The following RPS7 variants were observed in gnomAD, a reference collection of about 807,000 sequenced individuals.
The protein encoded by RPS7 is ribosomal protein S7.
Under a neutral mutation model 22.1 loss-of-function variants are expected in RPS7, and 1 was observed. The observed-to-expected ratio is 0.05, with a 90% confidence interval of 0.02 to 0.21. The LOEUF (loss-of-function observed/expected upper bound fraction) is 0.21. RPS7 is among the 10% of genes least tolerant of loss of function. The probability of loss-of-function intolerance (pLI) is 1.00; values close to 1 mark genes in which losing one functional copy is unlikely to be tolerated. For missense variants in RPS7, 137 were observed against 246.4 expected (o/e 0.56, Z 2.97); for synonymous variants, 80 against 92.0 (o/e 0.87, Z 0.74).
intron 4 of RPS7, 126 bp downstream of exon 4, chr2:3,576,756 T>C: frequency 2.5e-6 from 3 of 1,211,224 alleles, no homozygotes; most frequent in Non-Finnish European, 3.7e-6. Context: ...GGTAGAAAGA[T>C]AAAGTACAGG....
chr2:3,578,928 T>A (rs1037186240), intron 5 of RPS7: 1 of 152,250 alleles, frequency 6.6e-6, no homozygotes, highest in Non-Finnish European at 1.5e-5. Context: ...ACACTAAGCC[T>A]AGCTGGTAGG....
chr2:3,580,696 T>G, intron 6 of RPS7, 109 bp from the exon 7 acceptor site: 2 of 738,814 alleles, frequency 2.7e-6, no homozygotes, highest in South Asian at 2.9e-5. Flanking sequence ...TTGTGTGTAC[T>G]TAGTTGCTGA....
intron 1 of RPS7, 38 bp downstream of exon 1, chr2:3,575,388 C>G: frequency 1.7e-6 from 1 of 571,864 alleles, no homozygotes; most frequent in Non-Finnish European, 3.1e-6. Flanking sequence ...AACTTTTCTT[C>G]TTGGGTTGAG....
chr2:3,575,965 G>C lies in RPS7; in HGVS notation c.147+77G>C, dbSNP rs59077127. 10,190 of 1,070,538 alleles carry C rather than the reference G, an allele frequency of 9.5e-3. 642 individuals are homozygous for C. The African/African-American group carries it at 0.14, about 15-fold the overall frequency. 66.3% of individuals were successfully genotyped at this position (1,070,538 alleles called of 1,614,324 possible). ...GCAGTGCCTGAGAGGGTTGGACCTG[G>C]GTTACGGTTGATGATGACTTGCCGC... On this transcript the variant is annotated intron_variant, in intron 3 of 6. Transcript: ENST00000645674.
chr2:3,575,342 C>T lies in RPS7; in HGVS notation c.-27C>T, dbSNP rs573443780. Reference sequence around the variant, plus strand: ...ATTTGGGTCTCTTCCTAAGCCGGCGCTCGGCAAGGTAGGTTGGCGGCCTGC... The same window carrying T: ...ATTTGGGTCTCTTCCTAAGCCGGCGTTCGGCAAGGTAGGTTGGCGGCCTGC... On this transcript the variant is annotated 5_prime_UTR_variant, in exon 1 of 7. Transcript: ENST00000645674. The T allele has an allele frequency of 1.3e-4, 67 of 531,164 alleles. No individual in the cohort carries two copies. Among genetic ancestry groups the T allele is most frequent in the Non-Finnish European group, 1.8e-4 (55 of 299,344 alleles). The allele number at this position is 531,164 out of a possible 1,614,324, so 32.9% of individuals were successfully genotyped here.
Position 3,576,585 on chromosome 2 carries a change from A to T in RPS7, c.246A>T (p.Glu82Asp). The T allele has an allele frequency of 6.2e-7, 1 of 1,614,128 alleles. No individual in the cohort carries two copies. Among genetic ancestry groups the T allele is most frequent in the South Asian group, 1.1e-5 (1 of 91,088 alleles). The change falls in exon 4 of 7, where the codon GAA becomes GAT. Residue 82 changes from glutamate to aspartate, a missense_variant. Physicochemically the swap from Glu to Asp is conservative, Grantham distance 45. Around this residue, in one of 2 missense-constraint regions of RPS7, gnomAD observed 74 missense variants for 171.4 expected, o/e 0.43. Transcript: ENST00000645674. ...FQKIQVRLVR[E>D]LEKKFSGKHV... ...AAATCCAAGTCCGGCTAGTACGCGAATTGGAGAAAAAGTTCAGTGGGAAGC... is the reference window on the plus strand; with the variant it reads ...AAATCCAAGTCCGGCTAGTACGCGATTTGGAGAAAAAGTTCAGTGGGAAGC...
intron 3 of RPS7, chr2:3,576,268 C>T (rs984524161): frequency 5.1e-5 from 32 of 626,570 alleles, no homozygotes; most frequent in Middle Eastern, 4.3e-4. Flanking sequence ...AGTGATTGGC[C>T]TCCTGGCCTG....
intron 3 of RPS7, chr2:3,576,098 C>A (rs1342885541): frequency 1.6e-5 from 10 of 620,460 alleles, no homozygotes; most frequent in Non-Finnish European, 2.6e-5. Context: ...TGTCCACATG[C>A]GGGCGGTGGA....
At chr2:3,575,783 C>T in intron 2 of RPS7, 34 bp from the exon 3 acceptor site, 1 of 1,606,412 alleles carries the variant, frequency 6.2e-7, no homozygotes, top group South Asian at 1.1e-5. Flanking sequence ...CGGACGCGCG[C>T]TCAGGGTCGG....
intron 5 of RPS7, chr2:3,579,412 A>G (rs116365256): frequency 0.026 from 3,971 of 153,972 alleles, 72 homozygotes; most frequent in Middle Eastern, 0.058. Context: ...TGAGTAGACT[A>G]TAGTGTTATT....
intron 4 of RPS7, 110 bp from the exon 5 acceptor site, chr2:3,577,600 T>G: frequency 1.2e-6 from 1 of 810,858 alleles, no homozygotes; most frequent in Non-Finnish European, 2.1e-6. Flanking sequence ...TTCTCGAACT[T>G]TGAACTTACC....
chr2:3,576,683 G>C (rs948811240), intron 4 of RPS7, 53 bp downstream of exon 4: 1 of 1,596,576 alleles, frequency 6.3e-7, no homozygotes, highest in Non-Finnish European at 8.6e-7. Context: ...TGCTAAAATT[G>C]CTTGTATTTA....
intron 5 of RPS7, chr2:3,579,670 T>C (rs1661357523): frequency 4.6e-6 from 1 of 218,852 alleles, no homozygotes; most frequent in Admixed American, 5.2e-5. Context: ...AAGTAAATGA[T>C]GTGATCATAT....
At chr2:3,576,414 T>C (rs886617286) in intron 3 of RPS7, 73 bp from the exon 4 acceptor site, 1 of 1,368,684 alleles carries the variant, frequency 7.3e-7, no homozygotes, top group African/African-American at 1.4e-5. Context: ...TAAGGTCTTC[T>C]TATCCTCTAA....
chr2:3,575,497 G>T, intron 1 of RPS7, 95 bp from the exon 2 acceptor site: 2 of 796,320 alleles, frequency 2.5e-6, no homozygotes, highest in Non-Finnish European at 2.1e-6. Context: ...TGGCTTCTGC[G>T]GGGCGAGCGG....
chr2:3,578,066 T>C, intron 5 of RPS7: 1 of 405,510 alleles, frequency 2.5e-6, no homozygotes, highest in Non-Finnish European at 4.5e-6. Flanking sequence ...TTACTTTAAT[T>C]CTGTGATATA....
chr2:3,579,507 C>G (rs1661354274), intron 5 of RPS7: 1 of 163,630 alleles, frequency 6.1e-6, no homozygotes, highest in Non-Finnish European at 1.3e-5. Flanking sequence ...CGTCTCTTGA[C>G]TTACTCCTGA....
chr2:3,577,964 C>A, intron 5 of RPS7, 190 bp downstream of exon 5: 1 of 598,328 alleles, frequency 1.7e-6, no homozygotes. Context: ...TTCATGTAGC[C>A]ATTGTTTGCC....
chr2:3,577,837 TAAGTTG>T, intron 5 of RPS7, 63 bp downstream of exon 5: 1 of 1,132,128 alleles, frequency 8.8e-7, no homozygotes, highest in Admixed American at 1.8e-5. Flanking sequence ...TTAATTTGTT[TAAGTTG>T]TAGTTTATGA....
Sources: gnomAD v4.1 joint callset for allele counts on GRCh38, gnomAD v4.1.1 for gene constraint, gnomAD v4.1.1 regional missense constraint, MANE v1.5 for transcripts, NCBI Gene and HGNC (gene_info 2026-07-23, HGNC 2026-07-21) for gene names.